JMJD1C: variants seen among roughly 807,000 people sequenced by gnomAD.
JMJD1C encodes jumonji domain containing 1C.
In JMJD1C, 31 loss-of-function variants were observed where a neutral mutation model predicts 245.3. That is an observed-to-expected ratio of 0.13 (90% CI 0.09 to 0.17). The LOEUF is 0.17. Among genes scored for constraint, JMJD1C ranks in the 10% least tolerant of loss-of-function variants. The pLI, the probability that JMJD1C is intolerant of heterozygous loss-of-function variation, is 1.00. For synonymous variants in JMJD1C, 1,057 were observed against 1,017.4 expected (o/e 1.04, Z -0.74); for missense variants, 2,691 against 3,000.2 (o/e 0.90, Z 2.41).
At chr10:63,462,401 A>C (rs1047404936) in intron 1 of JMJD1C, among the ~76,000 whole-genome samples, 1 of 152,236 alleles carries the variant, frequency 6.6e-6, no homozygotes, top group Non-Finnish European at 1.5e-5. Flanking sequence ...CATATTGTAC[A>C]AGAAATATGT....
intron 1 of JMJD1C, among the ~76,000 whole-genome samples, chr10:63,441,910 G>A (rs1053275810): frequency 6.6e-6 from 1 of 152,152 alleles, no homozygotes; most frequent in Non-Finnish European, 1.5e-5. Flanking sequence ...AGCGTTAGGT[G>A]TTTTTGAAGC....
intron 1 of JMJD1C, among the ~76,000 whole-genome samples, chr10:63,502,494 C>T (rs936724188): frequency 6.6e-6 from 1 of 151,974 alleles, no homozygotes; most frequent in African/African-American, 2.4e-5. Context: ...AAAAATTAGC[C>T]GGGCATGGTG....
At chr10:63,271,724 T>C (rs913207023) in intron 2 of JMJD1C, among the ~76,000 whole-genome samples, 19 of 152,184 alleles carry the variant, frequency 1.2e-4, no homozygotes, top group Non-Finnish European at 1.5e-5. Flanking sequence ...GCTAATTTTG[T>C]ATTCATACTG....
intron 11 of JMJD1C, among the ~76,000 whole-genome samples, chr10:63,199,784 C>T (rs1027452259): frequency 6.6e-6 from 1 of 152,148 alleles, no homozygotes; most frequent in Non-Finnish European, 1.5e-5. Context: ...GAGGTCTATA[C>T]TGGGCTACCA....
intron 24 of JMJD1C, 64 bp downstream of exon 24, chr10:63,176,233 T>C (rs1036315317): frequency 4.1e-5 from 50 of 1,205,118 alleles, no homozygotes; most frequent in Non-Finnish European, 5.3e-5. Context: ...CTAAGAGCAA[T>C]TTTTTTTTCA....
Position 63,190,986 on chromosome 10 carries a change from G to T in JMJD1C, c.6199C>A (p.Arg2067=). 1 of 1,614,136 alleles carries T rather than the reference G, an allele frequency of 6.2e-7. No homozygotes were observed. The highest frequency in any genetic ancestry group is 1.3e-5 in the African/African-American group (1 of 75,060). The part of the protein sequence containing the change: ...SQNNEQGSTL[R]DLLTTTAGKL... ...CCAGCTGTTGTAGTCAGCAAATCCC[G>T]TAAGGTTGAGCCTTGTTCATTATTC... The change falls in exon 17 of 26, where the codon CGG becomes AGG. Residue 2067 remains arginine (R), a synonymous_variant. Transcript: ENST00000399262.
chr10:63,298,508 T>A (rs1387713736), intron 2 of JMJD1C, among the ~76,000 whole-genome samples: 1 of 152,152 alleles, frequency 6.6e-6, no homozygotes, highest in African/African-American at 2.4e-5. Context: ...TATCTCTGTA[T>A]CCATATTCTC....
At chr10:63,418,722 T>TG (rs35999426) in intron 1 of JMJD1C, among the ~76,000 whole-genome samples, 472 of 151,672 alleles carry the variant, frequency 3.1e-3, no homozygotes, top group Middle Eastern at 0.014. Flanking sequence ...AAATATCATG[T>TG]GGGGGGGGTT....
At chr10:63,397,661 G>A (rs1488347751) in intron 1 of JMJD1C, among the ~76,000 whole-genome samples, 1 of 151,360 alleles carries the variant, frequency 6.6e-6, no homozygotes, top group Non-Finnish European at 1.5e-5. Flanking sequence ...AGCTGTCCAA[G>A]TAGGTGGGAT....
At chr10:63,476,253 T>C (rs1953657822) in intron 1 of JMJD1C, among the ~76,000 whole-genome samples, 1 of 147,716 alleles carries the variant, frequency 6.8e-6, no homozygotes, top group Admixed American at 6.8e-5. Flanking sequence ...TATATATATA[T>C]AAATAATTAT....
chr10:63,322,719 C>G (rs1281960634), intron 2 of JMJD1C, among the ~76,000 whole-genome samples: 1 of 146,666 alleles, frequency 6.8e-6, no homozygotes, highest in Non-Finnish European at 1.5e-5. Context: ...AGGAGAACTG[C>G]TTGAACCTGG....
intron 4 of JMJD1C, among the ~76,000 whole-genome samples, chr10:63,218,916 TA>T (rs1361762062): frequency 6.6e-6 from 1 of 152,182 alleles, no homozygotes; most frequent in Admixed American, 6.5e-5. Flanking sequence ...ATTTTAAATT[TA>T]AAAACAATTA....
chr10:63,234,429 G>C (rs1028362224), intron 3 of JMJD1C, among the ~76,000 whole-genome samples: 2 of 143,476 alleles, frequency 1.4e-5, no homozygotes, highest in Non-Finnish European at 3.0e-5. Flanking sequence ...GGGAGGTAGA[G>C]GCTGCAGTGA....
chr10:63,193,936 G>C (rs139488951), intron 14 of JMJD1C, among the ~76,000 whole-genome samples: 8 of 152,336 alleles, frequency 5.3e-5, no homozygotes, highest in Middle Eastern at 3.4e-3. Flanking sequence ...AAAATGCTGG[G>C]ATTACAGGCG....
chr10:63,295,957 A>ATGTG (rs1234597751), intron 2 of JMJD1C, among the ~76,000 whole-genome samples: 8 of 94,550 alleles, frequency 8.5e-5, no homozygotes, highest in South Asian at 3.7e-4. Flanking sequence ...ATATACACGT[A>ATGTG]TATGTGTGTG....
At chr10:63,451,759 T>C (rs1222019964) in intron 1 of JMJD1C, among the ~76,000 whole-genome samples, 1 of 152,134 alleles carries the variant, frequency 6.6e-6, no homozygotes, top group Non-Finnish European at 1.5e-5. Context: ...ACTGTACAGA[T>C]GAAGACAGAG....
At chr10:63,277,310 C>T (rs1856891327) in intron 2 of JMJD1C, among the ~76,000 whole-genome samples, 1 of 151,146 alleles carries the variant, frequency 6.6e-6, no homozygotes, top group Admixed American at 6.6e-5. Context: ...AAGCTTGGGG[C>T]TTTTAAGGGT....
chr10:63,490,802 C>T (rs1463351251), intron 1 of JMJD1C, among the ~76,000 whole-genome samples: 2 of 152,154 alleles, frequency 1.3e-5, no homozygotes, highest in African/African-American at 4.8e-5. Context: ...AGGGCAGGAA[C>T]TTTGTTTTGT....
chr10:63,386,915 C>T (rs1251142579), intron 1 of JMJD1C, among the ~76,000 whole-genome samples: 1 of 152,166 alleles, frequency 6.6e-6, no homozygotes, highest in Non-Finnish European at 1.5e-5. Flanking sequence ...CACACTGAAG[C>T]CCCAAAACAG....
Sources: gnomAD v4.1 joint callset for allele counts (sites outside exome capture counted in the v4.1 genomes callset) on GRCh38, gnomAD v4.1.1 for gene constraint, MANE v1.5 for transcripts, NCBI Gene and HGNC (gene_info 2026-07-23, HGNC 2026-07-21) for gene names.